CDH12: variants seen among roughly 807,000 people sequenced by gnomAD.
CDH12 encodes the protein cadherin-12.
In CDH12, 41 loss-of-function variants were observed where a neutral mutation model predicts 74.1. The observed-to-expected ratio is 0.55, with a 90% CI of 0.43 to 0.72. CDH12 has a LOEUF of 0.72. CDH12 is among the 30% of genes least tolerant of loss of function. The probability of loss-of-function intolerance (pLI) is 0.00; values close to 1 mark genes in which losing one functional copy is unlikely to be tolerated. For synonymous variants in CDH12, 399 were observed against 355.0 expected (o/e 1.12, Z -1.39); for missense variants, 945 against 977.2 (o/e 0.97, Z 0.44).
At chr5:22,109,440 G>C (rs1219509443) in intron 4 of CDH12, among the ~76,000 whole-genome samples, 1 of 152,132 alleles carries the variant, frequency 6.6e-6, no homozygotes, top group African/African-American at 2.4e-5. Flanking sequence ...TCACCTTATG[G>C]GATTTCAGGT....
chr5:22,540,313 C>T (rs1052929342), intron 1 of CDH12, among the ~76,000 whole-genome samples: 10 of 151,862 alleles, frequency 6.6e-5, no homozygotes, highest in African/African-American at 2.2e-4. Context: ...GAAAACTACA[C>T]AAAATCATAG....
chr5:22,327,799 T>C (rs1739184495), intron 3 of CDH12, among the ~76,000 whole-genome samples: 1 of 152,198 alleles, frequency 6.6e-6, no homozygotes, highest in African/African-American at 2.4e-5. Flanking sequence ...CTTTAAATTT[T>C]TAAAAATCTT....
At chr5:22,477,817 T>C (rs187180401) in intron 2 of CDH12, among the ~76,000 whole-genome samples, 239 of 152,320 alleles carry the variant, frequency 1.6e-3, no homozygotes, top group Non-Finnish European at 2.3e-3. Flanking sequence ...CCTACACTGA[T>C]TACAATAAAT....
chr5:22,125,785 A>G (rs1407863867), intron 4 of CDH12, among the ~76,000 whole-genome samples: 18 of 152,150 alleles, frequency 1.2e-4, no homozygotes. Context: ...TAAGAACACC[A>G]TTGAGGTTTT....
At position 22,641,580 on chromosome 5, in the gene CDH12, G is replaced by A. The variant is rs146795572; in HGVS notation, c.-522-136216C>T. ...TTAACTCAAGTTTACACCTAAAACT[G>A]ACCATCATACCTGCTCTGCCCAAGC... is the stretch of plus-strand genomic sequence containing the variant. On this transcript the variant is annotated intron_variant, in intron 1 of 14. Coordinates refer to ENST00000382254, the MANE Select transcript of CDH12 (RefSeq NM_004061.5). Among the ~76,000 whole-genome samples, 550 of 152,040 alleles carry A rather than the reference G, an allele frequency of 3.6e-3. 1 individual carries two copies. The highest frequency in any genetic ancestry group is 0.01 in the African/African-American group (422 of 41,452).
At chr5:22,528,244 T>G (rs1337543118) in intron 1 of CDH12, among the ~76,000 whole-genome samples, 1 of 152,144 alleles carries the variant, frequency 6.6e-6, no homozygotes, top group African/African-American at 2.4e-5. Context: ...TAATTCACTC[T>G]GAAAAGCAGA....
chr5:22,537,382 G>A (rs1289020972), intron 1 of CDH12, among the ~76,000 whole-genome samples: 1 of 152,294 alleles, frequency 6.6e-6, no homozygotes, highest in African/African-American at 2.4e-5. Context: ...ATTTAATACA[G>A]TAGTATTGAC....
At chr5:22,687,728 T>C (rs952120661) in intron 1 of CDH12, among the ~76,000 whole-genome samples, 1 of 152,226 alleles carries the variant, frequency 6.6e-6, no homozygotes, top group Non-Finnish European at 1.5e-5. Flanking sequence ...GCTCCACACA[T>C]ATTTTAAGTT....
At chr5:22,378,062 C>T (rs182629911) in intron 3 of CDH12, among the ~76,000 whole-genome samples, 1 of 152,174 alleles carries the variant, frequency 6.6e-6, no homozygotes, top group Admixed American at 6.5e-5. Flanking sequence ...CCTCTTACTA[C>T]TTATAGTGCA....
chr5:22,232,107 C>T (rs1561241178), intron 3 of CDH12, among the ~76,000 whole-genome samples: 3 of 151,644 alleles, frequency 2.0e-5, no homozygotes, highest in Admixed American at 1.3e-4. Flanking sequence ...TATCACATTT[C>T]ATATATAAGT....
At chr5:22,327,697 G>T (rs570738357) in intron 3 of CDH12, among the ~76,000 whole-genome samples, 1 of 152,116 alleles carries the variant, frequency 6.6e-6, no homozygotes, top group South Asian at 2.1e-4. Context: ...CTAAAAACCT[G>T]TAACTCTCTT....
chr5:22,771,802 A>G (rs1292516467), intron 1 of CDH12, among the ~76,000 whole-genome samples: 5 of 152,124 alleles, frequency 3.3e-5, no homozygotes, highest in Non-Finnish European at 7.4e-5. Flanking sequence ...TCAAGTTGCA[A>G]TATTAACTCT....
At chr5:22,220,220 A>ATG (rs1476713733) in intron 3 of CDH12, among the ~76,000 whole-genome samples, 1 of 151,712 alleles carries the variant, frequency 6.6e-6, no homozygotes, top group African/African-American at 2.4e-5. Flanking sequence ...GTACATGCGT[A>ATG]TGTGTGTGTG....
At chr5:22,324,403 T>C (rs1380901811) in intron 3 of CDH12, among the ~76,000 whole-genome samples, 1 of 152,028 alleles carries the variant, frequency 6.6e-6, no homozygotes, top group East Asian at 1.9e-4. Context: ...TCCTTGTTTT[T>C]ACTACTTTAT....
chr5:22,020,126 C>T (rs1166929383), intron 5 of CDH12, among the ~76,000 whole-genome samples: 1 of 152,132 alleles, frequency 6.6e-6, no homozygotes, highest in Non-Finnish European at 1.5e-5. Context: ...AATAATGATG[C>T]TAATTATCAT....
At chr5:22,133,887 C>T (rs544216046) in intron 4 of CDH12, among the ~76,000 whole-genome samples, 175 of 151,830 alleles carry the variant, frequency 1.2e-3, no homozygotes, top group Non-Finnish European at 2.2e-3. Flanking sequence ...TGATTTTTTT[C>T]GGTTATTCTT....
At chr5:22,641,504 A>G (rs780231714) in intron 1 of CDH12, among the ~76,000 whole-genome samples, 2 of 151,982 alleles carry the variant, frequency 1.3e-5, no homozygotes, top group Non-Finnish European at 2.9e-5. Flanking sequence ...CTCCAGAGTC[A>G]CCCTCACAGG....
chr5:21,958,101 T>G (rs1010847831), intron 6 of CDH12, among the ~76,000 whole-genome samples: 10 of 152,148 alleles, frequency 6.6e-5, no homozygotes, highest in Admixed American at 6.5e-5. Context: ...TATGAGGGGC[T>G]CTTCCCAGCT....
intron 6 of CDH12, among the ~76,000 whole-genome samples, chr5:21,921,756 C>T (rs562442296): frequency 1.3e-5 from 2 of 152,324 alleles, no homozygotes; most frequent in African/African-American, 4.8e-5. Flanking sequence ...TTTGTGCATT[C>T]TACTGACTTG....
Sources: gnomAD v4.1 joint callset for allele counts (sites outside exome capture counted in the v4.1 genomes callset) on GRCh38, gnomAD v4.1.1 for gene constraint, MANE v1.5 for transcripts, NCBI Gene and HGNC (gene_info 2026-07-23, HGNC 2026-07-21) for gene names.